The following LYZL4 variants were observed in gnomAD, a reference collection of about 807,000 sequenced individuals.
LYZL4 encodes the protein lysozyme like 4.
LYZL4 carries 13 observed loss-of-function variants against 17.6 expected under a neutral mutation model. That is an observed-to-expected ratio of 0.74 (90% CI 0.48 to 1.18). LYZL4 has a LOEUF of 1.18. Among genes scored for constraint, LYZL4 ranks in the 50% most tolerant of loss-of-function variants. LYZL4 has a pLI of 0.00. For synonymous variants in LYZL4, 64 were observed against 67.7 expected, an observed-to-expected ratio of 0.95 and a Z score of 0.27; for missense variants, 174 against 188.2, an observed-to-expected ratio of 0.92 and a Z score of 0.44.
intron 4 of LYZL4, among the ~76,000 whole-genome samples, chr3:42,402,315 C>CTTTTTTTTTTTTT (rs201251667): frequency 7.3e-6 from 1 of 136,982 alleles, no homozygotes; most frequent in Non-Finnish European, 1.6e-5. Context: ...CTTTTCTTTT[C>CTTTTTTTTTTTTT]TTTCTTTTTT....
the LYZL4 span, among the ~76,000 whole-genome samples, chr3:42,371,919 C>G: frequency 1.3e-5 from 2 of 152,210 alleles, no homozygotes; most frequent in Non-Finnish European, 2.9e-5. Flanking sequence ...CCTACACAGC[C>G]TGTTAATAGG....
At chr3:42,389,270 T>G in the LYZL4 span, among the ~76,000 whole-genome samples, 1 of 152,138 alleles carries the variant, frequency 6.6e-6, no homozygotes, top group Non-Finnish European at 1.5e-5. Context: ...GGACAGAAAA[T>G]GTGACCCTAG....
At chr3:42,387,290 C>T in the LYZL4 span, among the ~76,000 whole-genome samples, 247 of 152,238 alleles carry the variant, frequency 1.6e-3, no homozygotes, top group Non-Finnish European at 1.9e-3. Flanking sequence ...AATCCAAATG[C>T]CTGGTTCATA....
chr3:42,393,598 G>A (rs1053317536), downstream of LYZL4, among the ~76,000 whole-genome samples: 2 of 152,182 alleles, frequency 1.3e-5, no homozygotes, highest in East Asian at 1.9e-4. Flanking sequence ...AGCCAGGAAC[G>A]ATCCCTGTGA....
the LYZL4 span, among the ~76,000 whole-genome samples, chr3:42,363,883 G>C: frequency 6.6e-6 from 1 of 152,204 alleles, no homozygotes; most frequent in Admixed American, 6.5e-5. Context: ...GAAGGACTCA[G>C]ACCATCATCA....
intron 4 of LYZL4, among the ~76,000 whole-genome samples, chr3:42,398,846 A>G (rs1011380655): frequency 6.6e-6 from 1 of 152,322 alleles, no homozygotes; most frequent in Middle Eastern, 3.4e-3. Flanking sequence ...AAACCAAGGG[A>G]TTTGATTCTG....
At chr3:42,376,954 A>G in the LYZL4 span, among the ~76,000 whole-genome samples, 130,501 of 152,238 alleles carry the variant, frequency 0.86, 56,208 homozygotes, top group African/African-American at 0.93. Context: ...ATATTAAATC[A>G]TTCAGCAAAA....
chr3:42,375,606 C>T, the LYZL4 span, among the ~76,000 whole-genome samples: 1 of 152,144 alleles, frequency 6.6e-6, no homozygotes, highest in African/African-American at 2.4e-5. Flanking sequence ...GAGAGGGAAG[C>T]TGAGGGAAGA....
downstream of LYZL4, among the ~76,000 whole-genome samples, chr3:42,392,472 T>C (rs767106097): frequency 5.9e-5 from 9 of 152,162 alleles, no homozygotes; most frequent in Non-Finnish European, 1.3e-4. Context: ...TTGATAATGG[T>C]TTTTAAGAAT....
the LYZL4 span, among the ~76,000 whole-genome samples, chr3:42,379,604 C>A: frequency 7.1e-6 from 1 of 141,218 alleles, no homozygotes; most frequent in African/African-American, 2.4e-5. Context: ...AAGAGAAGAC[C>A]CAGCTGCTTC....
At position 42,397,264 on chromosome 3, in the gene LYZL4, G is replaced by T. The variant is rs932049585; in HGVS notation, c.*1C>A. Reference sequence around the variant, plus strand: ...GAGTGCTGCAGGGGCCATGCAGGTGGCTACAGCTTGCAACCATCCAGCCAC... The same window carrying T: ...GAGTGCTGCAGGGGCCATGCAGGTGTCTACAGCTTGCAACCATCCAGCCAC... On this transcript the variant is annotated 3_prime_UTR_variant, in exon 5 of 5. Coordinates refer to ENST00000287748, the MANE Select transcript of LYZL4 (RefSeq NM_144634.4). 2 of 1,561,208 alleles carry T rather than the reference G, an allele frequency of 1.3e-6. No homozygotes were observed. The highest frequency in any genetic ancestry group is 1.7e-6 in the Non-Finnish European group (2 of 1,151,812).
chr3:42,362,764 A>G, the LYZL4 span, among the ~76,000 whole-genome samples: 7 of 152,232 alleles, frequency 4.6e-5, no homozygotes, highest in Non-Finnish European at 1.0e-4. Flanking sequence ...AGGCCATAGC[A>G]GATAATGAAA....
chr3:42,376,620 G>C, the LYZL4 span, among the ~76,000 whole-genome samples: 1 of 152,192 alleles, frequency 6.6e-6, no homozygotes, highest in Non-Finnish European at 1.5e-5. Flanking sequence ...AGACCCCAAC[G>C]AGTGACTCAT....
rs762955616 is a variant in LYZL4 at position 42,407,217 on chromosome 3, T to A, written c.35A>T (p.Tyr12Phe). 9 of 1,614,060 alleles carry A rather than the reference T, an allele frequency of 5.6e-6. No individual in the cohort carries two copies. Among genetic ancestry groups the A allele is most frequent in the Non-Finnish European group, 7.6e-6 (9 of 1,179,998 alleles). ...KASVVLSLLG[Y>F]LVVPSGAYIL... ...GTAAGCACCACTTGGAACCACCAGGTAGCCAAGGAGGGAGAGAACCACGGA... is the reference window on the plus strand; with the variant it reads ...GTAAGCACCACTTGGAACCACCAGGAAGCCAAGGAGGGAGAGAACCACGGA... The change falls in exon 2 of 5, where the codon TAC becomes TTC. Residue 12 changes from tyrosine to phenylalanine, a missense_variant. Tyr to Phe is a conservative substitution (Grantham distance 22, BLOSUM62 3). Coordinates refer to ENST00000287748, the MANE Select transcript of LYZL4 (RefSeq NM_144634.4).
chr3:42,373,682 A>C, the LYZL4 span, among the ~76,000 whole-genome samples: 1 of 152,128 alleles, frequency 6.6e-6, no homozygotes. Flanking sequence ...GGGATGAAGA[A>C]TGGAATTAAG....
the LYZL4 span, among the ~76,000 whole-genome samples, chr3:42,371,420 G>A: frequency 6.6e-6 from 1 of 152,150 alleles, no homozygotes; most frequent in Non-Finnish European, 1.5e-5. Context: ...GTACTCTAAA[G>A]GGTTATTTGA....
intron 3 of LYZL4, among the ~76,000 whole-genome samples, chr3:42,405,898 A>C (rs992820796): frequency 1.3e-5 from 2 of 152,130 alleles, no homozygotes; most frequent in Non-Finnish European, 2.9e-5. Context: ...TAGATGAATT[A>C]ATTAGATGAA....
intron 4 of LYZL4, among the ~76,000 whole-genome samples, chr3:42,402,136 T>TAA (rs61260579): frequency 0.013 from 1,573 of 124,024 alleles, 27 homozygotes; most frequent in East Asian, 0.054. Context: ...TTGAGAAGGT[T>TAA]AAAAAAAAAA....
intron 4 of LYZL4, among the ~76,000 whole-genome samples, chr3:42,397,887 A>G (rs558656400): frequency 6.6e-6 from 1 of 152,322 alleles, no homozygotes; most frequent in African/African-American, 2.4e-5. Flanking sequence ...GGTGCCTGTC[A>G]AAGTGATTCC....
Sources: allele counts gnomAD v4.1 joint callset (sites outside exome capture counted in the v4.1 genomes callset), GRCh38; gene constraint gnomAD v4.1.1; transcripts MANE v1.5; gene names NCBI Gene and HGNC (gene_info 2026-07-23, HGNC 2026-07-21).